DAB1: variants seen among roughly 807,000 people sequenced by gnomAD.
DAB1 encodes the protein disabled homolog 1.
Under a neutral mutation model 64.6 loss-of-function variants are expected in DAB1, and 15 were observed. That is an observed-to-expected ratio of 0.23 (90% CI 0.16 to 0.36). The LOEUF (loss-of-function observed/expected upper bound fraction) is 0.36. Ranked by LOEUF, DAB1 falls within the 10% of genes least tolerant of loss-of-function variation. The pLI, the probability that DAB1 is intolerant of heterozygous loss-of-function variation, is 1.00. For synonymous variants in DAB1, 235 were observed against 251.9 expected (o/e 0.93, Z 0.64); for missense variants, 596 against 706.7 (o/e 0.84, Z 1.78).
chr1:58,500,212 T>A (rs1645883690), intron 3 of DAB1, among the ~76,000 whole-genome samples: 1 of 151,096 alleles, frequency 6.6e-6, no homozygotes, highest in South Asian at 2.1e-4. Flanking sequence ...GTTTAGACAA[T>A]GTTACTGTCA....
At chr1:57,011,852 G>T (rs183824359) in intron 12 of DAB1, among the ~76,000 whole-genome samples, 2 of 152,176 alleles carry the variant, frequency 1.3e-5, no homozygotes, top group African/African-American at 4.8e-5. Flanking sequence ...CATGGCAACT[G>T]GTAGAACCAG....
At chr1:57,072,184 G>T in intron 5 of DAB1, 99 bp downstream of exon 5, 2 of 1,305,148 alleles carry the variant, frequency 1.5e-6, no homozygotes, top group Non-Finnish European at 2.2e-6. Flanking sequence ...TACATTGCTT[G>T]GTCATATCTG....
chr1:57,280,587 C>T (rs999236110), intron 2 of DAB1, among the ~76,000 whole-genome samples: 35 of 152,304 alleles, frequency 2.3e-4, no homozygotes, highest in Middle Eastern at 3.4e-3. Context: ...CATAAAAATT[C>T]AGGCCCAGTC....
intron 6 of DAB1, among the ~76,000 whole-genome samples, chr1:57,685,748 CAAG>C (rs1245067361): frequency 2.0e-5 from 3 of 151,798 alleles, no homozygotes; most frequent in Admixed American, 2.0e-4. Flanking sequence ...AAATCAGTAT[CAAG>C]AAGATCTCTC....
chr1:58,292,244 G>A (rs1011419604), intron 4 of DAB1, among the ~76,000 whole-genome samples: 4 of 152,068 alleles, frequency 2.6e-5, no homozygotes, highest in Admixed American at 1.3e-4. Context: ...TTCCGTAATT[G>A]TGTGCTCTGG....
chr1:58,304,438 A>C (rs1662253474), intron 4 of DAB1, among the ~76,000 whole-genome samples: 1 of 152,206 alleles, frequency 6.6e-6, no homozygotes. Context: ...TAGGTAGAAT[A>C]ATATGTAACC....
At chr1:57,970,404 C>T (rs1291060728) in intron 5 of DAB1, among the ~76,000 whole-genome samples, 1 of 152,258 alleles carries the variant, frequency 6.6e-6, no homozygotes, top group Admixed American at 6.5e-5. Flanking sequence ...CACCCTGAAT[C>T]GCTGCAGTGG....
At chr1:57,046,007 G>A (rs1648440590) in intron 9 of DAB1, among the ~76,000 whole-genome samples, 1 of 152,152 alleles carries the variant, frequency 6.6e-6, no homozygotes, top group African/African-American at 2.4e-5. Flanking sequence ...CCTCTCCTTA[G>A]CATCTCAACC....
At chr1:58,034,973 G>C (rs1222877549) in intron 5 of DAB1, among the ~76,000 whole-genome samples, 3 of 152,120 alleles carry the variant, frequency 2.0e-5, no homozygotes, top group African/African-American at 4.8e-5. Flanking sequence ...CCTGTGTCTT[G>C]TTTTGACCAA....
intron 7 of DAB1, among the ~76,000 whole-genome samples, chr1:57,559,823 A>C (rs1335446904): frequency 6.6e-6 from 1 of 152,212 alleles, no homozygotes; most frequent in Non-Finnish European, 1.5e-5. Flanking sequence ...CACTACCTAG[A>C]AAAATAGTAA....
chr1:57,742,701 G>A (rs935178535), intron 6 of DAB1, among the ~76,000 whole-genome samples: 1 of 152,174 alleles, frequency 6.6e-6, no homozygotes, highest in Non-Finnish European at 1.5e-5. Flanking sequence ...AAAAGGACAG[G>A]GCTGTCTGGG....
chr1:57,528,859 C>A (rs180845318), intron 7 of DAB1, among the ~76,000 whole-genome samples: 2 of 152,132 alleles, frequency 1.3e-5, no homozygotes, highest in Non-Finnish European at 2.9e-5. Flanking sequence ...ACTAAATATT[C>A]AGGTAAATTA....
chr1:58,229,003 T>C (rs1453223689), intron 4 of DAB1: 3 of 420,900 alleles, frequency 7.1e-6, no homozygotes, highest in African/African-American at 6.1e-5. Context: ...CTGTCCCACC[T>C]GGGGCAGATC....
intron 2 of DAB1, among the ~76,000 whole-genome samples, chr1:57,167,262 A>C (rs1292021760): frequency 1.3e-5 from 2 of 152,202 alleles, no homozygotes; most frequent in Non-Finnish European, 2.9e-5. Context: ...AGGGTTGATG[A>C]CATGGGATAT....
intron 2 of DAB1, among the ~76,000 whole-genome samples, chr1:57,235,786 C>T (rs892024546): frequency 1.3e-4 from 20 of 151,662 alleles, no homozygotes; most frequent in African/African-American, 4.6e-4. Context: ...ACAAAGGAAT[C>T]GCTTGCATTT....
intron 7 of DAB1, among the ~76,000 whole-genome samples, chr1:57,639,530 C>T (rs1646102668): frequency 6.6e-6 from 1 of 152,098 alleles, no homozygotes; most frequent in South Asian, 2.1e-4. Context: ...GCAGGATACT[C>T]AGAGGGCAGT....
intron 2 of DAB1, among the ~76,000 whole-genome samples, chr1:57,178,813 T>C (rs1054713848): frequency 3.9e-5 from 6 of 151,960 alleles, no homozygotes; most frequent in African/African-American, 1.4e-4. Flanking sequence ...AAATATACAA[T>C]CACATATATA....
At chr1:57,845,219 C>T (rs1653227609) in intron 1 of DAB1, among the ~76,000 whole-genome samples, 1 of 152,090 alleles carries the variant, frequency 6.6e-6, no homozygotes, top group Admixed American at 6.5e-5. Context: ...CTGTGATGAG[C>T]AATGCTTTGG....
chr1:57,049,445 C>G (rs556051693), intron 9 of DAB1, among the ~76,000 whole-genome samples: 1 of 47,760 alleles, frequency 2.1e-5, no homozygotes. Context: ...AGCAAGACTC[C>G]GTCTCAAAAA....
Sources: allele counts gnomAD v4.1 joint callset (sites outside exome capture counted in the v4.1 genomes callset), GRCh38; gene constraint gnomAD v4.1.1; transcripts MANE v1.5; gene names NCBI Gene and HGNC (gene_info 2026-07-23, HGNC 2026-07-21).